The following ADGRL3 variants were observed in gnomAD, a reference collection of about 807,000 sequenced individuals.
ADGRL3 encodes the protein calcium-independent alpha-latrotoxin receptor 3.
A neutral mutation model predicts 153.5 loss-of-function variants in ADGRL3; 62 were observed. The observed-to-expected ratio is 0.40, with a 90% CI of 0.33 to 0.50. The LOEUF (loss-of-function observed/expected upper bound fraction) is 0.50. ADGRL3 is among the 20% of genes least tolerant of loss of function. The pLI, the probability that ADGRL3 is intolerant of heterozygous loss-of-function variation, is 0.47. For missense variants in ADGRL3, 1,641 were observed against 1,859.4 expected (o/e 0.88, Z 2.16); for synonymous variants, 710 against 672.5 (o/e 1.06, Z -0.86).
intron 13 of ADGRL3, among the ~76,000 whole-genome samples, chr4:61,921,425 T>C (rs2098768635): frequency 6.6e-6 from 1 of 152,144 alleles, no homozygotes; most frequent in Admixed American, 6.5e-5. Context: ...CACTGTTAGC[T>C]TTTTTGTTGT....
chr4:62,051,699 T>C (rs905132811), intron 25 of ADGRL3, among the ~76,000 whole-genome samples: 1 of 151,668 alleles, frequency 6.6e-6, no homozygotes, highest in Non-Finnish European at 1.5e-5. Flanking sequence ...GTTTTAAAAA[T>C]TGTATTTAAT....
rs570815937 is a variant in ADGRL3, at chr4:61,361,091, T to A, written c.-239-22033T>A. 1.1e-4 allele frequency among the ~76,000 whole-genome samples: 17 copies of A among 152,312 alleles called. No homozygotes were observed. In the South Asian group the frequency reaches 3.5e-3, roughly 32 times the overall value. ...AACCCTGTGCTCCTAGCCCCAGTGT[T>A]GTTCTTTCTAACAAGTGCTAGAATG... On this transcript the variant is annotated intron_variant, in intron 1 of 26. Transcript: ENST00000683033.
At chr4:61,776,054 C>T (rs540642736) in intron 8 of ADGRL3, among the ~76,000 whole-genome samples, 1 of 152,214 alleles carries the variant, frequency 6.6e-6, no homozygotes, top group South Asian at 2.1e-4. Context: ...GCGCCCGCCA[C>T]CACACCCGGC....
chr4:61,655,494 T>C (rs980905277), intron 5 of ADGRL3, among the ~76,000 whole-genome samples: 2 of 152,126 alleles, frequency 1.3e-5, no homozygotes, highest in Admixed American at 1.3e-4. Context: ...CTATAATAAA[T>C]TAAATTAAAA....
At chr4:61,389,589 CT>C (rs563580602) in intron 2 of ADGRL3, among the ~76,000 whole-genome samples, 9 of 150,718 alleles carry the variant, frequency 6.0e-5, no homozygotes, top group African/African-American at 1.5e-4. Context: ...TTTTTTACCC[CT>C]TTTTTTTATA....
chr4:61,613,669 G>A (rs570197322), intron 5 of ADGRL3, among the ~76,000 whole-genome samples: 21 of 152,278 alleles, frequency 1.4e-4, no homozygotes, highest in Admixed American at 3.3e-4. Context: ...TCTTGAACCT[G>A]GGAGGCAGAG....
intron 25 of ADGRL3, among the ~76,000 whole-genome samples, chr4:62,057,966 AC>A (rs1737982014): frequency 6.6e-6 from 1 of 152,214 alleles, no homozygotes; most frequent in South Asian, 2.1e-4. Flanking sequence ...GGTGTGAGAC[AC>A]TATGCCATGC....
rs1747642264 is a variant in ADGRL3, at chr4:62,077,851, T to G, written c.*6943T>G. The G allele has an allele frequency of 6.6e-6, 1 of 152,004 alleles. No homozygotes were observed. The highest frequency in any genetic ancestry group is 1.5e-5 in the Non-Finnish European group (1 of 67,908). The allele number at this position is 152,004 out of a possible 1,614,324, so 9.4% of individuals were successfully genotyped here. A position where few individuals can be genotyped will look rare whatever the true frequency, so the allele number is the denominator to read the frequency against. On this transcript the variant is annotated 3_prime_UTR_variant, in exon 27 of 27. Coordinates refer to ENST00000683033, the MANE Select transcript of ADGRL3 (RefSeq NM_001387552.1). ...CTATAGACAATCAGAATGTGTTCAT[T>G]TATAAAGTATCACTGGTTTGTATAT... is the stretch of plus-strand genomic sequence containing the variant.
chr4:61,638,597 A>C (rs746628818), intron 5 of ADGRL3, among the ~76,000 whole-genome samples: 5 of 152,180 alleles, frequency 3.3e-5, no homozygotes, highest in African/African-American at 4.8e-5. Flanking sequence ...ACCATGATTT[A>C]ATCTCCTGTT....
intron 2 of ADGRL3, among the ~76,000 whole-genome samples, chr4:61,476,872 G>T (rs577201188): frequency 1.3e-5 from 2 of 151,906 alleles, no homozygotes; most frequent in African/African-American, 4.8e-5. Context: ...ATGGAGCCTG[G>T]CCGGCAATGA....
chr4:61,824,228 GT>G (rs2097780949), intron 9 of ADGRL3, among the ~76,000 whole-genome samples: 1 of 152,066 alleles, frequency 6.6e-6, no homozygotes, highest in Non-Finnish European at 1.5e-5. Context: ...TACTCACCAA[GT>G]GACAAATAAT....
At chr4:62,025,913 G>A (rs1718278492) in intron 21 of ADGRL3, among the ~76,000 whole-genome samples, 2 of 151,948 alleles carry the variant, frequency 1.3e-5, no homozygotes, top group Admixed American at 1.3e-4. Context: ...TAGTTCTGTG[G>A]ATCTGCTTTT....
chr4:61,580,510 G>C (rs187064872), intron 4 of ADGRL3, among the ~76,000 whole-genome samples: 1 of 152,020 alleles, frequency 6.6e-6, no homozygotes, highest in Non-Finnish European at 1.5e-5. Context: ...TTTCAGGCTT[G>C]GTTCTGGGCT....
chr4:61,286,652 A>T (rs1205921918), intron 1 of ADGRL3, among the ~76,000 whole-genome samples: 2 of 151,704 alleles, frequency 1.3e-5, no homozygotes, highest in East Asian at 3.9e-4. Context: ...TCAGTTTGAC[A>T]TGATTTTTTT....
At chr4:61,833,440 A>T (rs1181863117) in intron 9 of ADGRL3, among the ~76,000 whole-genome samples, 1 of 152,132 alleles carries the variant, frequency 6.6e-6, no homozygotes, top group Non-Finnish European at 1.5e-5. Context: ...GCATTCAGGG[A>T]TCAGAGTTTT....
intron 8 of ADGRL3, among the ~76,000 whole-genome samples, chr4:61,745,683 C>A (rs1408958149): frequency 1.3e-5 from 2 of 152,176 alleles, no homozygotes; most frequent in Non-Finnish European, 2.9e-5. Context: ...ACCACCAGGG[C>A]TTCCCTAAAA....
intron 8 of ADGRL3, among the ~76,000 whole-genome samples, chr4:61,801,324 T>A (rs989758431): frequency 6.6e-6 from 1 of 152,060 alleles, no homozygotes; most frequent in African/African-American, 2.4e-5. Context: ...TCTTAGAACA[T>A]CAAGGCTATT....
chr4:62,070,671 A>C lies in ADGRL3; in HGVS notation c.4395A>C (p.Thr1465=), dbSNP rs376530044. 3.8e-5 allele frequency: 59 copies of C among 1,551,410 alleles called. No individual in the cohort carries two copies. The highest frequency in any genetic ancestry group is 4.7e-5 in the Non-Finnish European group (54 of 1,146,976). ...CGACACTGGCTGGTGTGGCCGCCAC[A>C]GAGAGTGTTACCACCAGCACCCAGA... ...SMPTLAGVAA[T]ESVTTSTQTE... The change falls in exon 27 of 27, where the codon ACA becomes ACC. Residue 1465 remains threonine (T), a synonymous_variant. Coordinates refer to ENST00000683033, the MANE Select transcript of ADGRL3 (RefSeq NM_001387552.1).
Position 61,346,614 on chromosome 4 carries a change from A to G in ADGRL3, c.-239-36510A>G, listed in dbSNP as rs76577464. On this transcript the variant is annotated intron_variant, in intron 1 of 26. Transcript: ENST00000683033. ...CACTGTCTTTACAAAAGAAAAATAG[A>G]AAAAAAAAAAAATAGCCAGACATGG... 1.5e-4 allele frequency among the ~76,000 whole-genome samples: 5 copies of G among 32,866 alleles called. No individual in the cohort carries two copies. The South Asian group carries it at 2.9e-3, about 19-fold the overall frequency. The allele number at this position is 32,866 out of a possible 152,430, so 21.6% of individuals were successfully genotyped here. A position where few individuals can be genotyped will look rare whatever the true frequency, so the allele number is the denominator to read the frequency against.
Sources: allele counts gnomAD v4.1 joint callset (sites outside exome capture counted in the v4.1 genomes callset), GRCh38; gene constraint gnomAD v4.1.1; transcripts MANE v1.5; gene names NCBI Gene and HGNC (gene_info 2026-07-23, HGNC 2026-07-21).